CAMK1D: variants seen among roughly 807,000 people sequenced by gnomAD.
CAMK1D encodes the protein calcium/calmodulin dependent protein kinase ID.
CAMK1D carries 9 observed loss-of-function variants against 47.7 expected under a neutral mutation model. The observed-to-expected ratio is 0.19, with a 90% confidence interval of 0.11 to 0.33. The LOEUF is 0.33. Among genes scored for constraint, CAMK1D ranks in the 10% least tolerant of loss-of-function variants. The probability of loss-of-function intolerance (pLI) is 1.00; values close to 1 mark genes in which losing one functional copy is unlikely to be tolerated. For missense variants in CAMK1D, 291 were observed against 488.7 expected (o/e 0.60, Z 3.81); for synonymous variants, 184 against 184.9 (o/e 0.99, Z 0.04).
In CAMK1D at chr10:12,728,013, G is replaced by A. The variant is rs560578305; in HGVS notation, c.300-32935G>A. 5.9e-5 allele frequency among the ~76,000 whole-genome samples: 9 copies of A among 152,230 alleles called. No individual in the cohort carries two copies. In the East Asian group the frequency reaches 1.4e-3, roughly 23 times the overall value. ...ACTCCTGACCTCCAATGATCCGCCCGCCTCGGCCTCCTAAAGTGTGGGGAT... is the reference window on the plus strand; with the variant it reads ...ACTCCTGACCTCCAATGATCCGCCCACCTCGGCCTCCTAAAGTGTGGGGAT... On this transcript the variant is annotated intron_variant, in intron 3 of 10. Coordinates refer to ENST00000619168, the MANE Select transcript of CAMK1D (RefSeq NM_153498.4).
chr10:12,755,556 A>C (rs552897545), intron 3 of CAMK1D, among the ~76,000 whole-genome samples: 3 of 152,180 alleles, frequency 2.0e-5, no homozygotes, highest in Non-Finnish European at 4.4e-5. Flanking sequence ...TTCTAGTTCT[A>C]GATCCCTGAG....
At chr10:12,674,249 CT>C in intron 3 of CAMK1D, among the ~76,000 whole-genome samples, 1 of 152,202 alleles carries the variant, frequency 6.6e-6, no homozygotes, top group South Asian at 2.1e-4. Flanking sequence ...TCTTTTCTGT[CT>C]GGGTCAGTGA....
At chr10:12,482,557 A>C (rs1013875312) in intron 1 of CAMK1D, among the ~76,000 whole-genome samples, 5 of 152,238 alleles carry the variant, frequency 3.3e-5, no homozygotes, top group Non-Finnish European at 7.3e-5. Flanking sequence ...TCAGAGGAAT[A>C]GCAGAGAAAA....
chr10:12,673,835 T>G (rs1313211607), intron 3 of CAMK1D, among the ~76,000 whole-genome samples: 1 of 152,210 alleles, frequency 6.6e-6, no homozygotes, highest in Non-Finnish European at 1.5e-5. Context: ...GTCTGTGGTT[T>G]GGTTTGAGGA....
intron 6 of CAMK1D, among the ~76,000 whole-genome samples, chr10:12,797,662 G>C (rs1007675598): frequency 1.3e-5 from 2 of 152,132 alleles, no homozygotes; most frequent in Non-Finnish European, 2.9e-5. Context: ...TTAGTTCATG[G>C]ATTGCATTTC....
At chr10:12,560,324 G>A (rs1414774203) in intron 2 of CAMK1D, among the ~76,000 whole-genome samples, 2 of 151,942 alleles carry the variant, frequency 1.3e-5, no homozygotes, top group Admixed American at 6.6e-5. Flanking sequence ...AAGGCGAGGC[G>A]GGCGGATCAC....
At chr10:12,532,740 A>C (rs1202391256) in intron 1 of CAMK1D, among the ~76,000 whole-genome samples, 2 of 152,192 alleles carry the variant, frequency 1.3e-5, no homozygotes, top group African/African-American at 4.8e-5. Context: ...GTACCTATAC[A>C]CAATGGAGTA....
intron 2 of CAMK1D, among the ~76,000 whole-genome samples, chr10:12,614,802 T>A (rs6422407): frequency 0.99 from 151,479 of 152,328 alleles, 75,320 homozygotes; most frequent in Middle Eastern, 1. Context: ...GTTGTTATAC[T>A]GGGAATCGGA....
At chr10:12,615,253 T>C (rs1838746814) in intron 2 of CAMK1D, among the ~76,000 whole-genome samples, 2 of 152,348 alleles carry the variant, frequency 1.3e-5, no homozygotes, top group South Asian at 4.1e-4. Flanking sequence ...ATTGGTAGCT[T>C]TCAGCAAGAG....
chr10:12,713,125 C>T (rs1203095706), intron 3 of CAMK1D, among the ~76,000 whole-genome samples: 1 of 151,914 alleles, frequency 6.6e-6, no homozygotes, highest in Non-Finnish European at 1.5e-5. Context: ...AGCTGGAGTG[C>T]AATGGCGCCA....
intron 2 of CAMK1D, among the ~76,000 whole-genome samples, chr10:12,573,831 CTTTTTTTTT>C (rs34038018): frequency 0.058 from 3,706 of 64,390 alleles, 344 homozygotes; most frequent in African/African-American, 0.19. Context: ...ATTAAAAAAA[CTTTTTTTTT>C]TTTTTTTTTT....
At chr10:12,563,220 C>T (rs956493927) in intron 2 of CAMK1D, among the ~76,000 whole-genome samples, 5 of 152,106 alleles carry the variant, frequency 3.3e-5, no homozygotes, top group South Asian at 2.1e-4. Flanking sequence ...CCAGGTGTAG[C>T]GGCACGCACC....
chr10:12,814,413 C>A, intron 7 of CAMK1D, 106 bp downstream of exon 7: 1 of 639,142 alleles, frequency 1.6e-6, no homozygotes, highest in South Asian at 2.0e-5. Flanking sequence ...CAGAACAGTC[C>A]TGAGGGTCCT....
At chr10:12,543,797 C>T (rs544352723) in intron 1 of CAMK1D, among the ~76,000 whole-genome samples, 10 of 152,248 alleles carry the variant, frequency 6.6e-5, no homozygotes, top group South Asian at 2.1e-4. Flanking sequence ...GACCTCAGAT[C>T]GTTTCACTTG....
At chr10:12,691,433 T>G (rs1832920703) in intron 3 of CAMK1D, among the ~76,000 whole-genome samples, 1 of 58,346 alleles carries the variant, frequency 1.7e-5, no homozygotes, top group Non-Finnish European at 3.1e-5. Flanking sequence ...TTTTTTTTTT[T>G]TTTTTTTTTT....
chr10:12,569,650 T>C (rs931451364), intron 2 of CAMK1D, among the ~76,000 whole-genome samples: 17 of 122,410 alleles, frequency 1.4e-4, no homozygotes, highest in African/African-American at 4.9e-4. Context: ...ACCCGGGAGG[T>C]GGAGCTTGCA....
At chr10:12,355,566 G>A (rs370844282) in intron 1 of CAMK1D, among the ~76,000 whole-genome samples, 3 of 152,096 alleles carry the variant, frequency 2.0e-5, no homozygotes, top group East Asian at 3.9e-4. Context: ...GAATTTCATA[G>A]TTGTTTTTCT....
chr10:12,651,164 TC>T lies in CAMK1D; in HGVS notation c.225-15571del, dbSNP rs1363574704. ...CCTGAGACAAATCATTCTGCCAGGT[TC>T]TCTGCCTGCCTAGTGAACTAAACAG... On this transcript the variant is annotated intron_variant, in intron 2 of 10. Transcript: ENST00000619168. 2.0e-5 allele frequency among the ~76,000 whole-genome samples: 3 copies of T among 152,154 alleles called. No individual in the cohort carries two copies. In the South Asian group the frequency reaches 6.2e-4, roughly 32 times the overall value.
chr10:12,598,443 A>G (rs1838207291), intron 2 of CAMK1D, among the ~76,000 whole-genome samples: 1 of 152,218 alleles, frequency 6.6e-6, no homozygotes. Flanking sequence ...AGTTTAAACT[A>G]CTATTTCTTG....
Sources: gnomAD v4.1 joint callset for allele counts (sites outside exome capture counted in the v4.1 genomes callset) on GRCh38, gnomAD v4.1.1 for gene constraint, MANE v1.5 for transcripts, NCBI Gene and HGNC (gene_info 2026-07-23, HGNC 2026-07-21) for gene names.